Variants in GRM4 observed in about 807,000 individuals in gnomAD.
GRM4 encodes glutamate metabotropic receptor 4.
In GRM4, 28 loss-of-function variants were observed where a neutral mutation model predicts 81.7. That is an observed-to-expected ratio of 0.34 (90% CI 0.25 to 0.47). GRM4 has a LOEUF of 0.47. Among genes scored for constraint, GRM4 ranks in the 20% least tolerant of loss-of-function variants. GRM4 has a pLI of 1.00. For missense variants in GRM4, 948 were observed against 1,290.0 expected, an observed-to-expected ratio of 0.73 and a Z score of 4.06; for synonymous variants, 488 against 528.8, an observed-to-expected ratio of 0.92 and a Z score of 1.06.
At position 34,090,746 on chromosome 6, in the gene GRM4, T is replaced by C. The variant is rs1768159966; in HGVS notation, c.736+1137A>G. On this transcript the variant is annotated intron_variant, in intron 3 of 10. Transcript: ENST00000538487. This position sits in a 1 kb window ranked among gnomAD's most constrained non-coding sequence, Gnocchi z 5.2. ...TAGCAGGATTATGCCCACGGGGTGTTACCAACGGCAGCCTCTGGACACTCT... is the reference window on the plus strand; with the variant it reads ...TAGCAGGATTATGCCCACGGGGTGTCACCAACGGCAGCCTCTGGACACTCT... Among the ~76,000 whole-genome samples the C allele has an allele frequency of 6.6e-6, 1 of 151,914 alleles. No homozygotes were observed. The highest frequency in any genetic ancestry group is 2.4e-5 in the African/African-American group (1 of 41,320).
At position 34,110,833 on chromosome 6, in the gene GRM4, G is replaced by A. The variant is rs1581708462; in HGVS notation, c.520-18734C>T. ...CTGTCTTGCCTGGCAGCTCTCCTCT[G>A]CCCAGCCTTCCTCCAGCTCAGGCCT... is the stretch of plus-strand genomic sequence containing the variant. On this transcript the variant is annotated intron_variant, in intron 2 of 10. Transcript: ENST00000538487. The A allele has an allele frequency of 5.9e-6, 8 of 1,363,612 alleles. No homozygotes were observed. The East Asian group carries it at 2.3e-4, about 40-fold the overall frequency. The allele number at this position is 1,363,612 out of a possible 1,614,324, so 84.5% of individuals were successfully genotyped here.
chr6:34,102,067 C>CT lies in GRM4; in HGVS notation c.520-9969dup, dbSNP rs1768869984. 2.6e-6 allele frequency: 4 copies of CT among 1,535,592 alleles called. No homozygotes were observed. In the East Asian group the frequency reaches 7.3e-5, roughly 28 times the overall value. ...ATGGCCCTGAAGTCCTAAGGGTCCT[C>CT]TTTTTTCTCTTGGCGCCATCATGGG... On this transcript the variant is annotated intron_variant, in intron 2 of 10. Coordinates refer to ENST00000538487, the MANE Select transcript of GRM4 (RefSeq NM_000841.4).
In GRM4 at chr6:34,121,964, A is replaced by G. The variant is rs77534271; in HGVS notation, c.519+11014T>C. On this transcript the variant is annotated intron_variant, in intron 2 of 10. Coordinates refer to ENST00000538487, the MANE Select transcript of GRM4 (RefSeq NM_000841.4). This position sits in a 1 kb window ranked among gnomAD's most constrained non-coding sequence, Gnocchi z 4.6. ...TTGAGGGGCACCCTGAGTCGGAGGG[A>G]GGGGTCTGGGTGGGGCGGGTGCCCA... Among the ~76,000 whole-genome samples the G allele has an allele frequency of 0.074, 10,312 of 140,298 alleles. 652 individuals carry two copies. Among genetic ancestry groups the G allele is most frequent in the African/African-American group, 0.17 (6,573 of 39,168 alleles). The allele number at this position is 140,298 out of a possible 152,430, so 92.0% of individuals were successfully genotyped here. A position where few individuals can be genotyped will look rare whatever the true frequency, so the allele number is the denominator to read the frequency against.
chr6:34,109,717 G>A (rs77556944), intron 2 of GRM4, among the ~76,000 whole-genome samples: 2,305 of 152,142 alleles, frequency 0.015, 52 homozygotes, highest in East Asian at 0.11. Flanking sequence ...GTGGCCTCTG[G>A]CTTCTGCTTG....
chr6:34,061,756 C>T lies in GRM4; in HGVS notation c.872+137G>A, dbSNP rs561597412. 5.2e-5 allele frequency: 45 copies of T among 858,940 alleles called. 1 individual carries two copies. In the South Asian group the frequency reaches 6.4e-4, roughly 12 times the overall value. The allele number at this position is 858,940 out of a possible 1,614,324, so 53.2% of individuals were successfully genotyped here. Reference sequence around the variant, plus strand: ...CTGTGGGTCTCCCTGCCCACATACCCACTCACCAGCACCCACCTCTCTGGA... The same window carrying T: ...CTGTGGGTCTCCCTGCCCACATACCTACTCACCAGCACCCACCTCTCTGGA... On this transcript the variant is annotated intron_variant, in intron 4 of 10. Coordinates refer to ENST00000538487, the MANE Select transcript of GRM4 (RefSeq NM_000841.4).
At chr6:34,095,217 A>T (rs1231906338) in intron 2 of GRM4, among the ~76,000 whole-genome samples, 1 of 152,128 alleles carries the variant, frequency 6.6e-6, no homozygotes, top group Non-Finnish European at 1.5e-5. Flanking sequence ...CAAGGACCCA[A>T]CTTTGAGATG....
chr6:34,028,008 A>T (rs1320924985), intron 10 of GRM4, 112 bp downstream of exon 10: 1 of 1,236,118 alleles, frequency 8.1e-7, no homozygotes, highest in Non-Finnish European at 1.1e-6. Context: ...CCGCCTCCCC[A>T]GGATGGGGCA....
intron 10 of GRM4, among the ~76,000 whole-genome samples, chr6:34,026,408 C>T (rs1343019414): frequency 6.6e-6 from 1 of 152,070 alleles, no homozygotes; most frequent in Non-Finnish European, 1.5e-5. Context: ...TCCCCACTTC[C>T]CTACCATGGA....
Position 34,111,103 on chromosome 6 carries a change from C to G in GRM4, c.520-19004G>C, listed in dbSNP as rs540139786. On this transcript the variant is annotated intron_variant, in intron 2 of 10. Coordinates refer to ENST00000538487, the MANE Select transcript of GRM4 (RefSeq NM_000841.4). This position sits in a 1 kb window ranked among gnomAD's most constrained non-coding sequence, Gnocchi z 5.1. Reference sequence around the variant, plus strand: ...CAGGGGCCAGGGAGGAGGAGACACACACAGGCCACATACACACACACACAC... The same window carrying G: ...CAGGGGCCAGGGAGGAGGAGACACAGACAGGCCACATACACACACACACAC... 1.0e-4 allele frequency: 19 copies of G among 181,870 alleles called. No homozygotes were observed. In the East Asian group the frequency reaches 3.2e-3, roughly 31 times the overall value. 11.3% of individuals were successfully genotyped at this position (181,870 alleles called of 1,614,324 possible). A position where few individuals can be genotyped will look rare whatever the true frequency, so the allele number is the denominator to read the frequency against.
intron 10 of GRM4, 105 bp downstream of exon 10, chr6:34,028,015 G>A: frequency 1.6e-6 from 2 of 1,277,520 alleles, no homozygotes; most frequent in Non-Finnish European, 2.1e-6. Context: ...CCCAGGATGG[G>A]GCATCGGGGC....
rs924612742 is a variant in GRM4, at chr6:34,115,270, G to A, written c.519+17708C>T. Among the ~76,000 whole-genome samples the A allele has an allele frequency of 2.0e-5, 3 of 152,212 alleles. No individual in the cohort carries two copies. Among genetic ancestry groups the A allele is most frequent in the Non-Finnish European group, 4.4e-5 (3 of 68,042 alleles). Reference sequence around the variant, plus strand: ...TATGCGTGTGTGTGTGTGTGCATGCGTGTGGCCACCCCCGTGGGTGAGGAC... The same window carrying A: ...TATGCGTGTGTGTGTGTGTGCATGCATGTGGCCACCCCCGTGGGTGAGGAC... On this transcript the variant is annotated intron_variant, in intron 2 of 10. Coordinates refer to ENST00000538487, the MANE Select transcript of GRM4 (RefSeq NM_000841.4). The surrounding 1 kb of genome is among the most constrained non-coding windows in gnomAD (Gnocchi z 4.1).
chr6:34,022,744 C>T lies in GRM4; in HGVS notation c.*77G>A. The T allele has an allele frequency of 7.6e-7, 1 of 1,320,392 alleles. No homozygotes were observed. The highest frequency in any genetic ancestry group is 1.2e-5 in the South Asian group (1 of 84,934). The allele number at this position is 1,320,392 out of a possible 1,614,324, so 81.8% of individuals were successfully genotyped here. ...CACGGGCAGGCAAGACAGCTGGGCC[C>T]TTGGGTGTGGCCCTGGCCCGACGCA... On this transcript the variant is annotated 3_prime_UTR_variant, in exon 11 of 11. Transcript: ENST00000538487. This position sits in a 1 kb window ranked among gnomAD's most constrained non-coding sequence, Gnocchi z 5.6.
At chr6:34,131,232 T>A (rs1335894797) in intron 2 of GRM4, among the ~76,000 whole-genome samples, 2 of 152,210 alleles carry the variant, frequency 1.3e-5, no homozygotes, top group Non-Finnish European at 2.9e-5. Context: ...CCCCCGGGGA[T>A]TGTTCCAGCT....
upstream of GRM4, among the ~76,000 whole-genome samples, chr6:34,146,465 C>T (rs1012856991): frequency 6.6e-6 from 1 of 152,224 alleles, no homozygotes; most frequent in Non-Finnish European, 1.5e-5. Flanking sequence ...AAAGCCAGCT[C>T]GCCCCCTTCC....
chr6:34,120,641 T>C (rs1052264604), intron 2 of GRM4, among the ~76,000 whole-genome samples: 29 of 152,078 alleles, frequency 1.9e-4, no homozygotes, highest in African/African-American at 7.0e-4. Context: ...CTTTGTCAGG[T>C]CCCCAGCTCC....
chr6:34,111,109 CCACATA>C lies in GRM4; in HGVS notation c.520-19016_520-19011del, dbSNP rs1561819447. The C allele has an allele frequency of 1.9e-5, 3 of 161,366 alleles. No individual in the cohort carries two copies. The highest frequency in any genetic ancestry group is 1.4e-4 in the South Asian group (1 of 7,194). The allele number at this position is 161,366 out of a possible 1,614,324, so 10.0% of individuals were successfully genotyped here. A position where few individuals can be genotyped will look rare whatever the true frequency, so the allele number is the denominator to read the frequency against. ...CCAGGGAGGAGGAGACACACACAGG[CCACATA>C]CACACACACACACACACACACACAC... On this transcript the variant is annotated intron_variant, in intron 2 of 10. Coordinates refer to ENST00000538487, the MANE Select transcript of GRM4 (RefSeq NM_000841.4). The surrounding 1 kb of genome is among the most constrained non-coding windows in gnomAD (Gnocchi z 5.1).
intron 1 of GRM4, among the ~76,000 whole-genome samples, chr6:34,134,261 G>A (rs369128511): frequency 2.0e-5 from 3 of 152,200 alleles, no homozygotes; most frequent in Non-Finnish European, 1.5e-5. Context: ...CAGAGCAGGA[G>A]AGCATTTTGC....
intron 3 of GRM4, chr6:34,062,330 G>GTTCAAA: frequency 6.5e-6 from 2 of 308,054 alleles, no homozygotes. Flanking sequence ...GACTGCCTGG[G>GTTCAAA]TTCAAATCTC....
At position 34,070,792 on chromosome 6, in the gene GRM4, CCACACA is replaced by C. The variant is rs34256571; in HGVS notation, c.737-8770_737-8765del. On this transcript the variant is annotated intron_variant, in intron 3 of 10. Coordinates refer to ENST00000538487, the MANE Select transcript of GRM4 (RefSeq NM_000841.4). This position sits in a 1 kb window ranked among gnomAD's most constrained non-coding sequence, Gnocchi z 4.6. Reference sequence around the variant, plus strand: ...CACCACACCCCCGCCACACCCCCAGCCACACACACACACACACACACACACACGGCA... The same window carrying C: ...CACCACACCCCCGCCACACCCCCAGCCACACACACACACACACACACGGCA... 0.013 allele frequency among the ~76,000 whole-genome samples: 1,801 copies of C among 135,478 alleles called. 21 individuals are homozygous for C. Among genetic ancestry groups the C allele is most frequent in the Middle Eastern group, 0.054 (15 of 278 alleles). The allele number at this position is 135,478 out of a possible 152,430, so 88.9% of individuals were successfully genotyped here.
Sources: gnomAD v4.1 joint callset for allele counts (sites outside exome capture counted in the v4.1 genomes callset) on GRCh38, gnomAD v4.1.1 for gene constraint, Gnocchi (gnomAD v3.1) non-coding constraint, MANE v1.5 for transcripts, NCBI Gene and HGNC (gene_info 2026-07-23, HGNC 2026-07-21) for gene names.